YEATS4: variants seen among roughly 807,000 people sequenced by gnomAD.
The protein encoded by YEATS4 is YEATS domain-containing protein 4.
In YEATS4, 17 loss-of-function variants were observed where a neutral mutation model predicts 30.1. The ratio of observed to expected loss-of-function variants is 0.56; its 90% CI spans 0.39 to 0.85. YEATS4 has a LOEUF of 0.85. YEATS4 is among the 40% of genes least tolerant of loss of function. YEATS4 has a pLI of 0.00. For missense variants in YEATS4, 142 were observed against 268.3 expected, an observed-to-expected ratio of 0.53 and a Z score of 3.29; for synonymous variants, 85 against 87.5, an observed-to-expected ratio of 0.97 and a Z score of 0.16.
At chr12:69,418,718 C>T in the YEATS4 span, among the ~76,000 whole-genome samples, 1 of 152,054 alleles carries the variant, frequency 6.6e-6, no homozygotes, top group South Asian at 2.1e-4. Context: ...CTAAAGCCTA[C>T]ATAATCTAAA....
chr12:69,390,137 T>G lies in YEATS4; in HGVS notation c.515-10T>G. 6.4e-7 allele frequency: 1 copy of G among 1,569,440 alleles called. No homozygotes were observed. Among genetic ancestry groups the G allele is most frequent in the Non-Finnish European group, 8.6e-7 (1 of 1,167,960 alleles). ...AAAAATACTTTAGTAAAAGTATTTG[T>G]TTTCTTTAGTTGCAGAGCTTGAAGT... is the stretch of plus-strand genomic sequence containing the variant. On this transcript the variant is annotated splice_polypyrimidine_tract_variant and intron_variant, in intron 6 of 6. Coordinates refer to ENST00000247843, the MANE Select transcript of YEATS4 (RefSeq NM_006530.4).
At chr12:69,366,542 T>G (rs886649791) in intron 4 of YEATS4, among the ~76,000 whole-genome samples, 1 of 152,200 alleles carries the variant, frequency 6.6e-6, no homozygotes, top group Non-Finnish European at 1.5e-5. Flanking sequence ...AACCCAGATA[T>G]TTGCATTCAT....
Position 69,390,277 on chromosome 12 carries a change from C to A in YEATS4, c.645C>A (p.Ile215=). ...RETINCLKNE[I]RKLEEDDQAK... is the part of the protein sequence containing the mutation. ...CTATAAATTGTTTAAAAAATGAAATCAGAAAACTTGAAGAAGATGACCAAG... is the reference window on the plus strand; with the variant it reads ...CTATAAATTGTTTAAAAAATGAAATAAGAAAACTTGAAGAAGATGACCAAG... Residue 215 remains isoleucine, a synonymous_variant, in exon 7 of 7, where the codon ATC becomes ATA. Coordinates refer to ENST00000247843, the MANE Select transcript of YEATS4 (RefSeq NM_006530.4). 1.3e-6 allele frequency: 2 copies of A among 1,596,336 alleles called. No individual in the cohort carries two copies. Among genetic ancestry groups the A allele is most frequent in the South Asian group, 2.3e-5 (2 of 86,622 alleles).
chr12:69,364,207 C>G (rs375367445), intron 2 of YEATS4: 3 of 447,880 alleles, frequency 6.7e-6, no homozygotes, highest in African/African-American at 2.0e-5. Context: ...AATCTCAGCA[C>G]TATGGGAGGC....
At chr12:69,370,336 A>C (rs1306006856) in intron 4 of YEATS4, among the ~76,000 whole-genome samples, 1 of 152,196 alleles carries the variant, frequency 6.6e-6, no homozygotes, top group Non-Finnish European at 1.5e-5. Context: ...TAAATTTGTA[A>C]ACTCTAATCT....
the YEATS4 span, among the ~76,000 whole-genome samples, chr12:69,417,844 T>C: frequency 7.0e-6 from 1 of 142,092 alleles, no homozygotes; most frequent in Non-Finnish European, 1.5e-5. Flanking sequence ...GGCTTAATAT[T>C]CTTACAATAG....
the YEATS4 span, among the ~76,000 whole-genome samples, chr12:69,410,788 G>A: frequency 6.6e-6 from 1 of 152,164 alleles, no homozygotes; most frequent in Non-Finnish European, 1.5e-5. Context: ...ATAACTAATC[G>A]GGACATTCCA....
At chr12:69,388,057 A>AT (rs1327528248) in intron 6 of YEATS4, among the ~76,000 whole-genome samples, 2 of 65,930 alleles carry the variant, frequency 3.0e-5, no homozygotes, top group Non-Finnish European at 6.8e-5. Flanking sequence ...TATTTTTTTT[A>AT]TTTTTATTTT....
At chr12:69,369,553 C>G (rs540956536) in intron 4 of YEATS4, among the ~76,000 whole-genome samples, 1 of 152,318 alleles carries the variant, frequency 6.6e-6, no homozygotes, top group South Asian at 2.1e-4. Context: ...GCTTGGAGCA[C>G]TGTAGGGCTC....
At chr12:69,385,204 G>A (rs1028660508) in intron 6 of YEATS4, among the ~76,000 whole-genome samples, 1 of 151,500 alleles carries the variant, frequency 6.6e-6, no homozygotes, top group African/African-American at 2.4e-5. Flanking sequence ...TGTAGGGGCA[G>A]GTTTCTCCAC....
the YEATS4 span, among the ~76,000 whole-genome samples, chr12:69,409,364 C>A: frequency 2.6e-5 from 4 of 152,126 alleles, no homozygotes; most frequent in African/African-American, 9.7e-5. Flanking sequence ...CGCCTATAAT[C>A]CCAGCACTTT....
chr12:69,372,345 A>G (rs1875676227), intron 6 of YEATS4, among the ~76,000 whole-genome samples: 1 of 152,272 alleles, frequency 6.6e-6, no homozygotes, highest in Non-Finnish European at 1.5e-5. Flanking sequence ...AATAATCCAA[A>G]TATACTCTTT....
the YEATS4 span, among the ~76,000 whole-genome samples, chr12:69,397,013 C>T: frequency 6.6e-6 from 1 of 152,132 alleles, no homozygotes; most frequent in Non-Finnish European, 1.5e-5. Flanking sequence ...GGGTAAATGA[C>T]ATAGCACATG....
chr12:69,360,064 G>T (rs2120867970), intron 1 of YEATS4, 41 bp downstream of exon 1: 2 of 1,603,996 alleles, frequency 1.2e-6, no homozygotes, highest in Non-Finnish European at 1.7e-6. Flanking sequence ...TGGCTCTCCC[G>T]CCTCGGTTCC....
Position 69,390,798 on chromosome 12 carries a change from T to G in YEATS4, c.*482T>G, listed in dbSNP as rs947420298. 6.6e-6 allele frequency: 1 copy of G among 152,294 alleles called. No homozygotes were observed. Among genetic ancestry groups the G allele is most frequent in the African/African-American group, 2.4e-5 (1 of 41,464 alleles). 9.4% of individuals were successfully genotyped at this position (152,294 alleles called of 1,614,324 possible). On this transcript the variant is annotated 3_prime_UTR_variant, in exon 7 of 7. Coordinates refer to ENST00000247843, the MANE Select transcript of YEATS4 (RefSeq NM_006530.4). Reference sequence around the variant, plus strand: ...AATAAATGTAGTTTACAGATCCTATTTCTCCCTCCTGATGTGTTTCTTCCT... The same window carrying G: ...AATAAATGTAGTTTACAGATCCTATGTCTCCCTCCTGATGTGTTTCTTCCT...
intron 4 of YEATS4, 89 bp from the exon 5 acceptor site, chr12:69,370,617 T>C (rs1010648029): frequency 4.7e-6 from 5 of 1,073,078 alleles, no homozygotes; most frequent in Non-Finnish European, 5.2e-6. Context: ...TATATACTTA[T>C]TCCAGTCTCT....
chr12:69,394,434 A>G (rs907039330), downstream of YEATS4, among the ~76,000 whole-genome samples: 3 of 152,248 alleles, frequency 2.0e-5, no homozygotes, highest in African/African-American at 7.2e-5. Flanking sequence ...TGAAGAGGAC[A>G]TAAAAATAAC....
At chr12:69,375,772 C>T (rs1438757700) in intron 6 of YEATS4, among the ~76,000 whole-genome samples, 4 of 152,014 alleles carry the variant, frequency 2.6e-5, no homozygotes, top group Admixed American at 1.3e-4. Flanking sequence ...CGTGGTGGTG[C>T]GCGCCTGCAA....
chr12:69,365,205 A>G (rs1875380914), intron 2 of YEATS4, among the ~76,000 whole-genome samples: 1 of 151,984 alleles, frequency 6.6e-6, no homozygotes, highest in African/African-American at 2.4e-5. Context: ...ATTCCAGCAC[A>G]CTGGTAGGGC....
Sources: allele counts gnomAD v4.1 joint callset (sites outside exome capture counted in the v4.1 genomes callset), GRCh38; gene constraint gnomAD v4.1.1; transcripts MANE v1.5; gene names NCBI Gene and HGNC (gene_info 2026-07-23, HGNC 2026-07-21).